Variants in EXOC6B observed in about 807,000 individuals in gnomAD.
The protein encoded by EXOC6B is SEC15 homolog B.
Under a neutral mutation model 113.5 loss-of-function variants are expected in EXOC6B, and 54 were observed. The ratio of observed to expected loss-of-function variants is 0.48; its 90% CI spans 0.38 to 0.60. EXOC6B has a LOEUF of 0.60. Ranked by LOEUF, EXOC6B falls within the 20% of genes least tolerant of loss-of-function variation. The pLI is 0.00. For synonymous variants in EXOC6B, 357 were observed against 339.0 expected (o/e 1.05, Z -0.58); for missense variants, 797 against 977.5 (o/e 0.82, Z 2.46).
At chr2:72,591,574 A>C (rs1705967078) in intron 6 of EXOC6B, among the ~76,000 whole-genome samples, 1 of 152,136 alleles carries the variant, frequency 6.6e-6, no homozygotes, top group Non-Finnish European at 1.5e-5. Flanking sequence ...TCTTCCTAAA[A>C]TCAGATGGAC....
At chr2:72,265,137 A>C (rs1274882854) in intron 20 of EXOC6B, among the ~76,000 whole-genome samples, 1 of 152,080 alleles carries the variant, frequency 6.6e-6, no homozygotes, top group Non-Finnish European at 1.5e-5. Flanking sequence ...TTTGACCAAA[A>C]TGCTGTTAGT....
intron 20 of EXOC6B, among the ~76,000 whole-genome samples, chr2:72,221,304 G>A (rs1029832881): frequency 3.9e-5 from 6 of 152,158 alleles, no homozygotes; most frequent in African/African-American, 7.2e-5. Flanking sequence ...AGGACTCTAC[G>A]TTAGTTACTA....
intron 6 of EXOC6B, among the ~76,000 whole-genome samples, chr2:72,638,940 G>A (rs757887555): frequency 8.5e-5 from 13 of 152,156 alleles, no homozygotes; most frequent in African/African-American, 2.2e-4. Flanking sequence ...GCCTGGCCAC[G>A]CCTCCTTGCA....
At chr2:72,687,203 T>C (rs1339535753) in intron 6 of EXOC6B, among the ~76,000 whole-genome samples, 1 of 152,180 alleles carries the variant, frequency 6.6e-6, no homozygotes, top group Non-Finnish European at 1.5e-5. Flanking sequence ...TTTTTCTTAC[T>C]TTATAGTATT....
chr2:72,386,393 A>C (rs760135913), intron 18 of EXOC6B, among the ~76,000 whole-genome samples: 4 of 152,204 alleles, frequency 2.6e-5, no homozygotes, highest in African/African-American at 4.8e-5. Context: ...AAGGAAGGTA[A>C]GTGTTGATAG....
At position 72,685,724 on chromosome 2, in the gene EXOC6B, T is replaced by C. The variant is rs572727584; in HGVS notation, c.669+32379A>G. Among the ~76,000 whole-genome samples, 6 of 152,326 alleles carry C rather than the reference T, an allele frequency of 3.9e-5. No individual in the cohort carries two copies. The South Asian group carries it at 1.2e-3, about 32-fold the overall frequency. On this transcript the variant is annotated intron_variant, in intron 6 of 21. Transcript: ENST00000272427. ...TAACATGGGACAGATTTATGGAATA[T>C]GGAAGACATTAAAGTATTCGCTTTC... is the stretch of plus-strand genomic sequence containing the variant.
At chr2:72,415,352 A>T (rs529734775) in intron 18 of EXOC6B, among the ~76,000 whole-genome samples, 2 of 152,170 alleles carry the variant, frequency 1.3e-5, no homozygotes, top group African/African-American at 4.8e-5. Flanking sequence ...AAAAAAAAAA[A>T]ATACAGTGAT....
intron 6 of EXOC6B, among the ~76,000 whole-genome samples, chr2:72,708,319 C>T (rs909337401): frequency 3.9e-5 from 6 of 152,072 alleles, no homozygotes; most frequent in African/African-American, 1.4e-4. Context: ...ACTCATAAAC[C>T]TTCATATATT....
intron 20 of EXOC6B, among the ~76,000 whole-genome samples, chr2:72,321,930 G>T (rs958082153): frequency 3.3e-5 from 5 of 152,116 alleles, no homozygotes; most frequent in Admixed American, 6.5e-5. Flanking sequence ...GTCTAATCAA[G>T]TGTTGAAGAG....
At chr2:72,802,639 C>T (rs776384323) in intron 1 of EXOC6B, among the ~76,000 whole-genome samples, 1 of 151,890 alleles carries the variant, frequency 6.6e-6, no homozygotes, top group Non-Finnish European at 1.5e-5. Context: ...ACTATATAGT[C>T]GTATTATTTC....
At chr2:72,263,930 C>A (rs1683891384) in intron 20 of EXOC6B, among the ~76,000 whole-genome samples, 1 of 152,138 alleles carries the variant, frequency 6.6e-6, no homozygotes, top group African/African-American at 2.4e-5. Context: ...GCCAGCCAGC[C>A]AGCCAGACAG....
chr2:72,290,050 C>T (rs958774142), intron 20 of EXOC6B, among the ~76,000 whole-genome samples: 1 of 152,174 alleles, frequency 6.6e-6, no homozygotes, highest in Non-Finnish European at 1.5e-5. Context: ...TCGAACCAAA[C>T]CATTCACTTT....
intron 20 of EXOC6B, among the ~76,000 whole-genome samples, chr2:72,189,093 A>G (rs1678639624): frequency 6.6e-6 from 1 of 152,176 alleles, no homozygotes; most frequent in African/African-American, 2.4e-5. Context: ...TCCATATTCA[A>G]TTTTGTAAGT....
At chr2:72,603,099 T>A (rs1670530753) in intron 6 of EXOC6B, among the ~76,000 whole-genome samples, 3 of 151,832 alleles carry the variant, frequency 2.0e-5, no homozygotes, top group Admixed American at 2.0e-4. Context: ...GGTTGTTTTT[T>A]TTTTTAAGAG....
chr2:72,814,776 C>A (rs377691968), intron 1 of EXOC6B, among the ~76,000 whole-genome samples: 2 of 151,378 alleles, frequency 1.3e-5, no homozygotes, highest in African/African-American at 4.9e-5. Context: ...TGGATCACGA[C>A]GTCAGGAGAT....
At chr2:72,818,065 G>A (rs545508548) in intron 1 of EXOC6B, among the ~76,000 whole-genome samples, 104 of 152,202 alleles carry the variant, frequency 6.8e-4, no homozygotes, top group African/African-American at 2.4e-3. Context: ...TCTACCTCCT[G>A]GGTTCAAGTG....
At chr2:72,323,751 C>T (rs1047132243) in intron 20 of EXOC6B, among the ~76,000 whole-genome samples, 5 of 151,164 alleles carry the variant, frequency 3.3e-5, no homozygotes, top group Non-Finnish European at 5.9e-5. Context: ...AACCAAACAC[C>T]GTATGTTCCC....
At chr2:72,523,447 C>T (rs1401415922) in intron 8 of EXOC6B, among the ~76,000 whole-genome samples, 1 of 152,144 alleles carries the variant, frequency 6.6e-6, no homozygotes, top group African/African-American at 2.4e-5. Flanking sequence ...AATATATCTA[C>T]ACAGCAGGCA....
At chr2:72,631,368 C>T (rs1672379983) in intron 6 of EXOC6B, among the ~76,000 whole-genome samples, 1 of 146,468 alleles carries the variant, frequency 6.8e-6, no homozygotes, top group African/African-American at 2.5e-5. Context: ...TCACTCCATC[C>T]TACATATATA....
Sources: allele counts gnomAD v4.1 joint callset (sites outside exome capture counted in the v4.1 genomes callset), GRCh38; gene constraint gnomAD v4.1.1; transcripts MANE v1.5; gene names NCBI Gene and HGNC (gene_info 2026-07-23, HGNC 2026-07-21).